CDH13: variants seen among roughly 807,000 people sequenced by gnomAD.
CDH13 encodes cadherin 13, also known as cadherin-13.
In CDH13, 24 loss-of-function variants were observed where a neutral mutation model predicts 63.8. The ratio of observed to expected loss-of-function variants is 0.38; its 90% confidence interval spans 0.27 to 0.53. The LOEUF (loss-of-function observed/expected upper bound fraction) is 0.53. CDH13 is among the 20% of genes least tolerant of loss of function. The pLI is 0.85. For synonymous variants in CDH13, 503 were observed against 355.3 expected (o/e 1.42, Z -4.67); for missense variants, 1,049 against 903.1 (o/e 1.16, Z -2.07).
chr16:83,192,284 AC>A (rs1193308605), intron 4 of CDH13, among the ~76,000 whole-genome samples: 1 of 152,154 alleles, frequency 6.6e-6, no homozygotes, highest in Non-Finnish European at 1.5e-5. Flanking sequence ...TCAGCAGGTA[AC>A]TACGTAGTGT....
intron 4 of CDH13, among the ~76,000 whole-genome samples, chr16:83,155,967 T>A (rs1362946749): frequency 6.6e-6 from 1 of 152,172 alleles, no homozygotes; most frequent in Non-Finnish European, 1.5e-5. Flanking sequence ...GTCATCAGCA[T>A]GTCTTTGAGC....
intron 2 of CDH13, among the ~76,000 whole-genome samples, chr16:82,910,903 C>T (rs532580060): frequency 1.3e-5 from 2 of 152,316 alleles, no homozygotes; most frequent in South Asian, 4.1e-4. Context: ...GTTTAATCAA[C>T]TCTGACTGTG....
At chr16:83,708,108 G>C (rs1907411688) in intron 10 of CDH13, among the ~76,000 whole-genome samples, 1 of 152,152 alleles carries the variant, frequency 6.6e-6, no homozygotes, top group African/African-American at 2.4e-5. Flanking sequence ...AGGCAAGCCA[G>C]AGTGCCTTAT....
At chr16:83,253,450 CTGTG>C (rs1905831566) in intron 5 of CDH13, among the ~76,000 whole-genome samples, 1 of 152,208 alleles carries the variant, frequency 6.6e-6, no homozygotes, top group Non-Finnish European at 1.5e-5. Context: ...AAGGCAAAAT[CTGTG>C]TGGTCGTGTT....
chr16:82,692,685 G>A (rs1208405362), intron 1 of CDH13, among the ~76,000 whole-genome samples: 5 of 152,206 alleles, frequency 3.3e-5, no homozygotes, highest in East Asian at 1.9e-4. Flanking sequence ...ATATGGCAGT[G>A]TGGTCCTTAG....
At chr16:82,729,651 G>A (rs1401332838) in intron 1 of CDH13, among the ~76,000 whole-genome samples, 2 of 152,166 alleles carry the variant, frequency 1.3e-5, no homozygotes, top group Non-Finnish European at 2.9e-5. Context: ...AATGGTCAAT[G>A]AGCATTGGCT....
chr16:83,486,422 G>T, intron 6 of CDH13, 55 bp from the exon 7 acceptor site: 1 of 1,517,610 alleles, frequency 6.6e-7, no homozygotes, highest in South Asian at 1.2e-5. Flanking sequence ...AAGGGGCTCT[G>T]GCCGTTGTTG....
chr16:83,136,262 T>A (rs550768590), intron 4 of CDH13, among the ~76,000 whole-genome samples: 1 of 151,190 alleles, frequency 6.6e-6, no homozygotes, highest in Admixed American at 6.6e-5. Context: ...GGCAGGCGGA[T>A]CATGAGGTCA....
At chr16:82,664,437 G>A (rs966625167) in intron 1 of CDH13, among the ~76,000 whole-genome samples, 2 of 152,218 alleles carry the variant, frequency 1.3e-5, no homozygotes, top group East Asian at 1.9e-4. Context: ...ACACAGCAGT[G>A]GGGGCTCAGT....
intron 8 of CDH13, among the ~76,000 whole-genome samples, chr16:83,633,294 A>G (rs1910946133): frequency 6.6e-6 from 1 of 152,218 alleles, no homozygotes; most frequent in African/African-American, 2.4e-5. Flanking sequence ...TACTGCATCC[A>G]TGAGGTGAAT....
Position 82,649,189 on chromosome 16 carries a change from A to G in CDH13, c.45+22052A>G, listed in dbSNP as rs1340142661. On this transcript the variant is annotated intron_variant, in intron 1 of 13. Transcript: ENST00000567109. ...TTAATATTCCTATTTTACAAATGAC[A>G]TAATAGAAGATTAGAGAAATAAAGC... 2.0e-5 allele frequency among the ~76,000 whole-genome samples: 3 copies of G among 152,216 alleles called. No individual in the cohort carries two copies. In the East Asian group the frequency reaches 5.8e-4, roughly 29 times the overall value.
At chr16:83,540,799 T>C (rs2075284278) in intron 7 of CDH13, among the ~76,000 whole-genome samples, 1 of 152,136 alleles carries the variant, frequency 6.6e-6, no homozygotes, top group Admixed American at 6.5e-5. Flanking sequence ...CCAGCTAATT[T>C]TTGTATTTTT....
chr16:83,516,033 G>T (rs147279078), intron 7 of CDH13, among the ~76,000 whole-genome samples: 2 of 152,068 alleles, frequency 1.3e-5, no homozygotes, highest in African/African-American at 2.4e-5. Context: ...TTCAAACATT[G>T]TTCCTCGTGA....
chr16:83,235,732 T>G (rs554490043), intron 5 of CDH13, among the ~76,000 whole-genome samples: 67 of 152,318 alleles, frequency 4.4e-4, no homozygotes, highest in African/African-American at 1.5e-3. Context: ...ATGTAGATAT[T>G]ATTCAGAAAC....
At chr16:83,256,929 T>C (rs1906366809) in intron 5 of CDH13, among the ~76,000 whole-genome samples, 1 of 151,712 alleles carries the variant, frequency 6.6e-6, no homozygotes, top group Non-Finnish European at 1.5e-5. Flanking sequence ...CTACAAATAT[T>C]AGAATTTGTT....
chr16:83,047,544 A>G lies in CDH13; in HGVS notation c.366+15326A>G, dbSNP rs925057478. ...GGGAGGATAAGAAAGAAGACCTAAA[A>G]ACTGAATTTTTAAAATACAAACAGA... is the stretch of plus-strand genomic sequence containing the variant. On this transcript the variant is annotated intron_variant, in intron 3 of 13. Coordinates refer to ENST00000567109, the MANE Select transcript of CDH13 (RefSeq NM_001257.5). This position sits in a 1 kb window ranked among gnomAD's most constrained non-coding sequence, Gnocchi z 4.9. Among the ~76,000 whole-genome samples, 3 of 152,156 alleles carry G rather than the reference A, an allele frequency of 2.0e-5. No individual in the cohort carries two copies. Among genetic ancestry groups the G allele is most frequent in the African/African-American group, 7.2e-5 (3 of 41,418 alleles).
At chr16:83,612,226 C>G (rs906138008) in intron 8 of CDH13, among the ~76,000 whole-genome samples, 6 of 151,952 alleles carry the variant, frequency 3.9e-5, no homozygotes, top group Non-Finnish European at 8.8e-5. Context: ...TTATATCTTC[C>G]TAATGCATTG....
rs186591855 is a variant in CDH13 at position 82,931,748 on chromosome 16, C to T, written c.157+73275C>T. On this transcript the variant is annotated intron_variant, in intron 2 of 13. Transcript: ENST00000567109. Reference sequence around the variant, plus strand: ...GAGAGCCAAATGAAAGGAGGAACCCCTTATAGAAACATCAGATCTCATGAG... The same window carrying T: ...GAGAGCCAAATGAAAGGAGGAACCCTTTATAGAAACATCAGATCTCATGAG... 1.6e-4 allele frequency among the ~76,000 whole-genome samples: 24 copies of T among 152,184 alleles called. 1 individual carries two copies. The South Asian group carries it at 3.9e-3, about 25-fold the overall frequency.
chr16:83,326,243 A>T (rs1284842669), intron 5 of CDH13, among the ~76,000 whole-genome samples: 2 of 152,096 alleles, frequency 1.3e-5, no homozygotes, highest in Non-Finnish European at 2.9e-5. Flanking sequence ...TTCTTCCTGG[A>T]AATTTCTTGG....
Sources: allele counts gnomAD v4.1 joint callset (sites outside exome capture counted in the v4.1 genomes callset), GRCh38; gene constraint gnomAD v4.1.1; non-coding constraint Gnocchi (gnomAD v3.1); transcripts MANE v1.5; gene names NCBI Gene and HGNC (gene_info 2026-07-23, HGNC 2026-07-21).